The following ATP1A1 variants were observed in gnomAD, a reference collection of about 807,000 sequenced individuals.
The protein encoded by ATP1A1 is ATPase Na+/K+ transporting subunit alpha 1, also known as sodium/potassium-transporting ATPase subunit alpha-1.
In ATP1A1, 14 loss-of-function variants were observed where a neutral mutation model predicts 114.8. The observed-to-expected ratio is 0.12, with a 90% CI of 0.08 to 0.19. The LOEUF is 0.19. Ranked by LOEUF, ATP1A1 falls within the 10% of genes least tolerant of loss-of-function variation. ATP1A1 has a pLI of 1.00. For synonymous variants in ATP1A1, 471 were observed against 466.3 expected (o/e 1.01, Z -0.13); for missense variants, 524 against 1,290.7 (o/e 0.41, Z 9.10).
intron 1 of ATP1A1, among the ~76,000 whole-genome samples, chr1:116,380,769 TCTAC>T (rs1347823761): frequency 6.6e-6 from 1 of 152,176 alleles, no homozygotes; most frequent in African/African-American, 2.4e-5. Context: ...ACCTTTTCCC[TCTAC>T]CCAGATCAAA....
rs147926468 is a variant in ATP1A1 at position 116,389,363 on chromosome 1, T to C, written c.755-76T>C. ...TCTTTTTGTTTTTTTAGTCATCCTA[T>C]GTAATTGTGTAAAATCCGTGGCTTC... On this transcript the variant is annotated intron_variant, in intron 7 of 22. Transcript: ENST00000295598. The surrounding 1 kb of genome is among the most constrained non-coding windows in gnomAD (Gnocchi z 6.9). 319 of 1,566,602 alleles carry C rather than the reference T, an allele frequency of 2.0e-4. No individual in the cohort carries two copies. In the African/African-American group the frequency reaches 3.7e-3, roughly 18 times the overall value.
In ATP1A1 at chr1:116,392,088, T is replaced by C. The variant is rs566554271; in HGVS notation, c.1333-766T>C. Among the ~76,000 whole-genome samples, 7 of 152,374 alleles carry C rather than the reference T, an allele frequency of 4.6e-5. No individual in the cohort carries two copies. The South Asian group carries it at 1.4e-3, about 32-fold the overall frequency. ...ATACTTCTGAGCATTGATCTGTTCA[T>C]CTGCATATGCAGCCTTACATGTTAA... On this transcript the variant is annotated intron_variant, in intron 10 of 22. Coordinates refer to ENST00000295598, the MANE Select transcript of ATP1A1 (RefSeq NM_000701.8).
In ATP1A1 at chr1:116,403,815, T is replaced by A. The variant is rs1221132992; in HGVS notation, c.2952-69T>A. 2.2e-6 allele frequency: 3 copies of A among 1,349,452 alleles called. No homozygotes were observed. In the East Asian group the frequency reaches 6.9e-5, roughly 31 times the overall value. 83.6% of individuals were successfully genotyped at this position (1,349,452 alleles called of 1,614,324 possible). On this transcript the variant is annotated intron_variant, in intron 21 of 22. Coordinates refer to ENST00000295598, the MANE Select transcript of ATP1A1 (RefSeq NM_000701.8). ...GATTATTTCATTGTCACTGGTGATG[T>A]GCAATTTCTCTTTCTTTATTTGAAC... is the stretch of plus-strand genomic sequence containing the variant.
At chr1:116,374,127 G>A (rs2101026274) in intron 1 of ATP1A1, 2 of 1,544,460 alleles carry the variant, frequency 1.3e-6, no homozygotes, top group East Asian at 4.9e-5. Flanking sequence ...CTTGCTCCGC[G>A]CAGAGGCGGC....
intron 1 of ATP1A1, chr1:116,373,839 G>C: frequency 8.2e-7 from 1 of 1,218,358 alleles, no homozygotes; most frequent in Non-Finnish European, 1.0e-6. Flanking sequence ...TGCTTGGGAA[G>C]CCTCGGGGCC....
intron 3 of ATP1A1, chr1:116,386,277 G>A (rs1652084639): frequency 6.6e-6 from 1 of 152,082 alleles, no homozygotes; most frequent in African/African-American, 2.4e-5. Flanking sequence ...CTTTGTGCCA[G>A]GCAGTCTCTA....
At chr1:116,392,782 T>G in intron 10 of ATP1A1, 72 bp from the exon 11 acceptor site, 1 of 1,545,678 alleles carries the variant, frequency 6.5e-7, no homozygotes, top group African/African-American at 1.4e-5. Flanking sequence ...CTTGAGTTAT[T>G]TTTCCTGTTT....
intron 1 of ATP1A1, among the ~76,000 whole-genome samples, chr1:116,376,436 A>C (rs554319960): frequency 4.6e-5 from 7 of 152,280 alleles, no homozygotes; most frequent in African/African-American, 1.7e-4. Context: ...GATGCCTCAG[A>C]GTGGAAAGTT....
Position 116,404,197 on chromosome 1 carries a change from A to G in ATP1A1, c.3044-219A>G, listed in dbSNP as rs1653780373. On this transcript the variant is annotated intron_variant, in intron 22 of 22. Transcript: ENST00000295598. The surrounding 1 kb of genome is among the most constrained non-coding windows in gnomAD (Gnocchi z 4.8). ...TTAGACTTTAAAATACAAACCAAGT[A>G]TGATTTAGTGAAAACTTGTCAGAAT... Among the ~76,000 whole-genome samples the G allele has an allele frequency of 6.6e-6, 1 of 152,266 alleles. No individual in the cohort carries two copies. The highest frequency in any genetic ancestry group is 2.4e-5 in the African/African-American group (1 of 41,468).
chr1:116,373,887 G>C (rs1651168762), intron 1 of ATP1A1: 7 of 1,300,364 alleles, frequency 5.4e-6, no homozygotes, highest in Non-Finnish European at 6.8e-6. Flanking sequence ...GCGGCCCCGG[G>C]ACTGAGCCGG....
chr1:116,373,548 G>A, intron 1 of ATP1A1, 25 bp downstream of exon 1: 1 of 1,439,394 alleles, frequency 6.9e-7, no homozygotes, highest in Non-Finnish European at 9.1e-7. Context: ...CGCCCGGGGA[G>A]GGGGCTCGGG....
chr1:116,380,493 G>A (rs41434350), intron 1 of ATP1A1, among the ~76,000 whole-genome samples: 11,368 of 152,224 alleles, frequency 0.075, 964 homozygotes, highest in African/African-American at 0.21. Flanking sequence ...ATGCAGACCT[G>A]AAGCAATATA....
chr1:116,389,374 A>G lies in ATP1A1; in HGVS notation c.755-65A>G. ...TTTTAGTCATCCTATGTAATTGTGTAAAATCCGTGGCTTCCTTCAGGTTAG... is the reference window on the plus strand; with the variant it reads ...TTTTAGTCATCCTATGTAATTGTGTGAAATCCGTGGCTTCCTTCAGGTTAG... On this transcript the variant is annotated intron_variant, in intron 7 of 22. Transcript: ENST00000295598. This position sits in a 1 kb window ranked among gnomAD's most constrained non-coding sequence, Gnocchi z 6.9. 1 of 1,585,766 alleles carries G rather than the reference A, an allele frequency of 6.3e-7. No individual in the cohort carries two copies. Among genetic ancestry groups the G allele is most frequent in the Non-Finnish European group, 8.6e-7 (1 of 1,162,384 alleles).
intron 1 of ATP1A1, chr1:116,374,058 TTCCGGC>T (rs1334085392): frequency 7.1e-7 from 1 of 1,403,424 alleles, no homozygotes; most frequent in Non-Finnish European, 9.3e-7. Flanking sequence ...GCGGCCCCGG[TTCCGGC>T]GGGGGCAGCC....
Position 116,373,436 on chromosome 1 carries a change from G to T in ATP1A1, c.-76G>T. 2 of 1,483,862 alleles carry T rather than the reference G, an allele frequency of 1.3e-6. No individual in the cohort carries two copies. Among genetic ancestry groups the T allele is most frequent in the Non-Finnish European group, 1.8e-6 (2 of 1,111,318 alleles). The allele number at this position is 1,483,862 out of a possible 1,614,324, so 91.9% of individuals were successfully genotyped here. A position where few individuals can be genotyped will look rare whatever the true frequency, so the allele number is the denominator to read the frequency against. ...TGGCTCCCCTGGTCCCGCTCGCTCG[G>T]CCGGGAGCTGCTCTGTGCTTTTCTC... On this transcript the variant is annotated 5_prime_UTR_variant, in exon 1 of 23. Transcript: ENST00000295598.
chr1:116,374,633 G>C (rs1171232199), intron 1 of ATP1A1, among the ~76,000 whole-genome samples: 1 of 152,160 alleles, frequency 6.6e-6, no homozygotes, highest in South Asian at 2.1e-4. Context: ...CTGGGCCCTG[G>C]ACCCCAAATG....
In ATP1A1 at chr1:116,401,096, A is replaced by C. The variant is rs771412029; in HGVS notation, c.2719-34A>C. On this transcript the variant is annotated intron_variant, in intron 19 of 22. Transcript: ENST00000295598. This position sits in a 1 kb window ranked among gnomAD's most constrained non-coding sequence, Gnocchi z 4.7. ...ACTGCCACCAGCCATGCAGGTGAAG[A>C]GCCAGAGCTCATCTTCTGTCTTCTG... 1.9e-6 allele frequency: 3 copies of C among 1,613,466 alleles called. No individual in the cohort carries two copies. The highest frequency in any genetic ancestry group is 1.7e-5 in the Admixed American group (1 of 60,004).
chr1:116,378,857 G>GA (rs1290950675), intron 1 of ATP1A1, among the ~76,000 whole-genome samples: 1 of 151,692 alleles, frequency 6.6e-6, no homozygotes, highest in East Asian at 1.9e-4. Context: ...CTGGTAAAAT[G>GA]AAAAAAAGGA....
intron 13 of ATP1A1, among the ~76,000 whole-genome samples, chr1:116,396,184 C>T (rs1446547911): frequency 4.6e-5 from 7 of 151,770 alleles, no homozygotes; most frequent in African/African-American, 7.3e-5. Context: ...ATTCTTGTCA[C>T]ATGTTGCTTT....
Sources: gnomAD v4.1 joint callset for allele counts (sites outside exome capture counted in the v4.1 genomes callset) on GRCh38, gnomAD v4.1.1 for gene constraint, Gnocchi (gnomAD v3.1) non-coding constraint, MANE v1.5 for transcripts, NCBI Gene and HGNC (gene_info 2026-07-23, HGNC 2026-07-21) for gene names.